Variants in OVCH1 observed in about 807,000 individuals in gnomAD.
The protein encoded by OVCH1 is ovochymase-1.
A neutral mutation model predicts 138.4 loss-of-function variants in OVCH1; 139 were observed. The observed-to-expected ratio is 1.00, with a 90% CI of 0.87 to 1.16. OVCH1 has a LOEUF of 1.16. OVCH1 is among the 50% of genes most tolerant of loss of function. The probability of loss-of-function intolerance (pLI) is 0.00; values close to 1 mark genes in which losing one functional copy is unlikely to be tolerated. For missense variants in OVCH1, 1,367 were observed against 1,357.9 expected, an observed-to-expected ratio of 1.01 and a Z score of -0.11; for synonymous variants, 453 against 467.8, an observed-to-expected ratio of 0.97 and a Z score of 0.41.
intron 7 of OVCH1, chr12:29,487,314 A>C (rs1943138789): frequency 5.7e-6 from 1 of 174,202 alleles, no homozygotes; most frequent in Non-Finnish European, 1.2e-5. Context: ...GTTGCCAAGG[A>C]AGTTAACAAG....
At chr12:29,464,219 T>C (rs760769975) in intron 18 of OVCH1, among the ~76,000 whole-genome samples, 1 of 152,218 alleles carries the variant, frequency 6.6e-6, no homozygotes, top group Non-Finnish European at 1.5e-5. Context: ...ATAGTTGTGA[T>C]AGAGACCAGA....
In OVCH1 at chr12:29,444,278, G is replaced by C. The variant is rs758226282; in HGVS notation, c.2884C>G (p.Pro962Ala). The change falls in exon 24 of 28, where the codon CCA (proline) becomes GCA (alanine). Residue 962 changes from proline (P) to alanine (A), a missense_variant and splice_region_variant. By Grantham distance (27) the Pro-to-Ala change is conservative. Transcript: ENST00000318184. ...AGTCTGGTTATTTTACTGTCCTTTG[G>C]ACCTAAAAGAACAGGAAGCAGAGAA... The C allele has an allele frequency of 9.9e-6, 16 of 1,609,984 alleles. No individual in the cohort carries two copies. In the East Asian group the frequency reaches 3.6e-4, roughly 36 times the overall value.
intron 19 of OVCH1, among the ~76,000 whole-genome samples, chr12:29,459,383 CAGAA>C (rs1942055798): frequency 6.6e-6 from 1 of 152,032 alleles, no homozygotes; most frequent in Admixed American, 6.6e-5. Flanking sequence ...AAGCCAGGCA[CAGAA>C]AGACAAACTT....
At chr12:29,486,119 A>G in intron 8 of OVCH1, 131 bp downstream of exon 8, 4 of 863,154 alleles carry the variant, frequency 4.6e-6, no homozygotes, top group Non-Finnish European at 7.2e-6. Context: ...GAATATGAGC[A>G]GGGCTTTTAA....
chr12:29,451,392 G>T lies in OVCH1; in HGVS notation c.2708C>A (p.Ser903Ter). Residue 903 changes from serine to a stop codon, truncating the protein, a stop_gained, in exon 22 of 28, where the codon TCA becomes TAA. Coordinates refer to ENST00000318184, the Ensembl canonical transcript of OVCH1. LOFTEE classifies it high-confidence loss of function. Reference sequence around the variant, plus strand: ...TCTTTCTTCATAAATAATTAGAACTGAGTCTTGACACACAGGAGACCCCAG... The same window carrying T: ...TCTTTCTTCATAAATAATTAGAACTTAGTCTTGACACACAGGAGACCCCAG... The T allele has an allele frequency of 6.2e-7, 1 of 1,613,162 alleles. No homozygotes were observed. Among genetic ancestry groups the T allele is most frequent in the Non-Finnish European group, 8.5e-7 (1 of 1,179,518 alleles).
intron 19 of OVCH1, among the ~76,000 whole-genome samples, chr12:29,456,268 A>T (rs904665549): frequency 6.6e-6 from 1 of 152,194 alleles, no homozygotes; most frequent in Non-Finnish European, 1.5e-5. Flanking sequence ...CACCAAACTG[A>T]TAAATGTTCA....
At chr12:29,445,541 G>A (rs1941590696) in intron 22 of OVCH1, 138 bp from the exon 23 acceptor site, 2 of 872,672 alleles carry the variant, frequency 2.3e-6, no homozygotes, top group Non-Finnish European at 3.4e-6. Flanking sequence ...CAGGACTCCA[G>A]AACATAAGTG....
chr12:29,490,800 G>A (rs1054475550), intron 5 of OVCH1, among the ~76,000 whole-genome samples: 3 of 152,134 alleles, frequency 2.0e-5, no homozygotes, highest in African/African-American at 7.2e-5. Context: ...AGACAAAGAA[G>A]CTTAACTATT....
At chr12:29,454,876 G>A (rs1179177069) in exon 21 of OVCH1, 2 of 1,612,672 alleles carry the variant, frequency 1.2e-6, no homozygotes, top group African/African-American at 2.7e-5. Context: ...AGGTGTGGGT[G>A]GTGGCAATTG....
At chr12:29,428,107 G>A (rs1353673607) in intron 27 of OVCH1, among the ~76,000 whole-genome samples, 2 of 152,118 alleles carry the variant, frequency 1.3e-5, no homozygotes, top group Non-Finnish European at 2.9e-5. Flanking sequence ...CAGCAGACAG[G>A]GCGGTGCTAG....
At chr12:29,493,780 T>A (rs1468483713) in intron 4 of OVCH1, among the ~76,000 whole-genome samples, 1 of 152,198 alleles carries the variant, frequency 6.6e-6, no homozygotes, top group Non-Finnish European at 1.5e-5. Flanking sequence ...AATTTTCTAT[T>A]CTCTATCTTG....
chr12:29,425,063 T>C (rs992629396), downstream of OVCH1, among the ~76,000 whole-genome samples: 11 of 152,184 alleles, frequency 7.2e-5, no homozygotes, highest in Non-Finnish European at 1.3e-4. Context: ...TTAATGAACC[T>C]TGACTTCAAT....
At chr12:29,492,426 G>A (rs1943297852) in intron 4 of OVCH1, among the ~76,000 whole-genome samples, 1 of 152,094 alleles carries the variant, frequency 6.6e-6, no homozygotes, top group African/African-American at 2.4e-5. Context: ...ATGTAGTGGA[G>A]AACCATTGAA....
intron 18 of OVCH1, among the ~76,000 whole-genome samples, chr12:29,463,598 T>A (rs1036422886): frequency 1.8e-4 from 28 of 152,196 alleles, no homozygotes; most frequent in African/African-American, 5.8e-4. Flanking sequence ...GATTATAAGC[T>A]GAGCCACACT....
chr12:29,439,009 G>A (rs1389894558), intron 26 of OVCH1, among the ~76,000 whole-genome samples: 1 of 152,076 alleles, frequency 6.6e-6, no homozygotes, highest in African/African-American at 2.4e-5. Context: ...GTAGACAGAA[G>A]AAAAACTCTC....
chr12:29,451,618 AG>A, intron 21 of OVCH1, 49 bp from the exon 22 acceptor site: 1 of 1,420,966 alleles, frequency 7.0e-7, no homozygotes, highest in Non-Finnish European at 9.6e-7. Context: ...AATAAAGCAA[AG>A]AAAAACCAGA....
chr12:29,478,962 A>G (rs75108592), intron 8 of OVCH1: 24,809 of 1,334,996 alleles, frequency 0.019, 273 homozygotes, highest in African/African-American at 0.04. Flanking sequence ...TTTTCCAAAC[A>G]TATAAGCTGG....
chr12:29,472,221 T>C (rs1268034597), intron 15 of OVCH1, among the ~76,000 whole-genome samples: 3 of 152,204 alleles, frequency 2.0e-5, no homozygotes, highest in Non-Finnish European at 4.4e-5. Flanking sequence ...TTAGCAAATA[T>C]TTATTTAGTG....
chr12:29,442,183 T>C (rs1008049040), intron 25 of OVCH1, among the ~76,000 whole-genome samples: 6 of 151,966 alleles, frequency 3.9e-5, no homozygotes, highest in Non-Finnish European at 8.8e-5. Flanking sequence ...GTATGTTTAT[T>C]GCGGCACTAT....
Sources: allele counts gnomAD v4.1 joint callset (sites outside exome capture counted in the v4.1 genomes callset), GRCh38; gene constraint gnomAD v4.1.1; transcripts MANE v1.5; gene names NCBI Gene and HGNC (gene_info 2026-07-23, HGNC 2026-07-21).